The following CLDN14 variants were observed in gnomAD, a reference collection of about 807,000 sequenced individuals.
CLDN14 encodes the protein claudin 14, also known as claudin-14.
In CLDN14, 2 loss-of-function variants were observed where a neutral mutation model predicts 2.1. The observed-to-expected ratio is 0.96, with a 90% CI of 0.39 to 3.01. CLDN14 has a LOEUF of 3.01. Ranked by LOEUF, CLDN14 falls within the 30% of genes most tolerant of loss-of-function variation. The pLI is 0.09. For missense variants in CLDN14, 298 were observed against 328.0 expected, an observed-to-expected ratio of 0.91 and a Z score of 0.71; for synonymous variants, 136 against 154.4, an observed-to-expected ratio of 0.88 and a Z score of 0.88.
chr21:36,508,327 C>G (rs1049440990), intron 2 of CLDN14, among the ~76,000 whole-genome samples: 1 of 152,114 alleles, frequency 6.6e-6, no homozygotes, highest in Non-Finnish European at 1.5e-5. Context: ...ACTTTCCAGG[C>G]AGCTCAAGTT....
At chr21:36,486,479 A>G (rs1454935967) in intron 2 of CLDN14, 1 of 1,550,100 alleles carries the variant, frequency 6.5e-7, no homozygotes, top group Non-Finnish European at 8.9e-7. Flanking sequence ...ACTGGGATCT[A>G]CTCCAAATTC....
intron 2 of CLDN14, among the ~76,000 whole-genome samples, chr21:36,496,666 A>G (rs1189186791): frequency 7.7e-6 from 1 of 129,778 alleles, no homozygotes; most frequent in Non-Finnish European, 1.6e-5. Flanking sequence ...ATGGAGAAGA[A>G]AGCAGAGGAA....
intron 1 of CLDN14, among the ~76,000 whole-genome samples, chr21:36,549,077 C>CA (rs1223602802): frequency 6.6e-6 from 1 of 152,084 alleles, no homozygotes; most frequent in East Asian, 1.9e-4. Context: ...TATTAAGGTA[C>CA]CCAACAACCT....
intron 1 of CLDN14, among the ~76,000 whole-genome samples, chr21:36,573,640 T>A (rs181332762): frequency 6.6e-6 from 1 of 152,148 alleles, no homozygotes; most frequent in East Asian, 1.9e-4. Context: ...ATCTAATTAG[T>A]CTTAAATTAT....
intron 1 of CLDN14, among the ~76,000 whole-genome samples, chr21:36,514,658 T>TA (rs1310805089): frequency 1.0e-4 from 15 of 144,732 alleles, no homozygotes; most frequent in African/African-American, 3.7e-4. Flanking sequence ...TGTGTGTGTG[T>TA]GTGTAGAGAG....
rs533605335 is a variant in CLDN14, at chr21:36,515,541, T to A, written c.-219-5041A>T. Among the ~76,000 whole-genome samples, 399 of 151,376 alleles carry A rather than the reference T, an allele frequency of 2.6e-3. 3 individuals carry two copies. Among genetic ancestry groups the A allele is most frequent in the African/African-American group, 9.5e-3 (391 of 41,306 alleles). On this transcript the variant is annotated intron_variant, in intron 1 of 2. Coordinates refer to the CLDN14 transcript ENST00000342108. ...TACAAAAATGATCTGGGCATGGTGG[T>A]GGGCGCCTGTAATCCCAGCTACTTA... is the stretch of plus-strand genomic sequence containing the variant.
intron 1 of CLDN14, among the ~76,000 whole-genome samples, chr21:36,536,323 G>A (rs2087423514): frequency 6.6e-6 from 1 of 152,198 alleles, no homozygotes; most frequent in African/African-American, 2.4e-5. Context: ...CCCATCCTCA[G>A]TTCTCCCTCG....
chr21:36,508,694 GA>G (rs1258249735), intron 2 of CLDN14, among the ~76,000 whole-genome samples: 1 of 152,218 alleles, frequency 6.6e-6, no homozygotes, highest in East Asian at 1.9e-4. Flanking sequence ...CTCTTGGGAA[GA>G]AACCACCGAG....
chr21:36,530,012 G>C (rs2087366716), intron 1 of CLDN14, among the ~76,000 whole-genome samples: 1 of 152,186 alleles, frequency 6.6e-6, no homozygotes, highest in South Asian at 2.1e-4. Flanking sequence ...AGGACGATTA[G>C]AAAGGAGCGT....
At chr21:36,488,713 G>A (rs2086926510) in intron 2 of CLDN14, among the ~76,000 whole-genome samples, 1 of 152,158 alleles carries the variant, frequency 6.6e-6, no homozygotes, top group Non-Finnish European at 1.5e-5. Flanking sequence ...GGAGGAGAAA[G>A]CTCCGGAGAG....
chr21:36,517,141 G>C (rs11088352), intron 1 of CLDN14, among the ~76,000 whole-genome samples: 27 of 152,186 alleles, frequency 1.8e-4, no homozygotes, highest in African/African-American at 6.3e-4. Context: ...CGCCTGGCCT[G>C]GTCTTTACAT....
chr21:36,484,369 TG>T (rs1179200266), upstream of CLDN14, among the ~76,000 whole-genome samples: 1 of 152,120 alleles, frequency 6.6e-6, no homozygotes, highest in African/African-American at 2.4e-5. Flanking sequence ...CCCCGAAACT[TG>T]GCCAGAGCAT....
At chr21:36,490,949 GACACACACACACAC>G (rs3030068) in intron 2 of CLDN14, among the ~76,000 whole-genome samples, 5,335 of 148,852 alleles carry the variant, frequency 0.036, 323 homozygotes, top group East Asian at 0.29. Context: ...CAAGTGCACA[GACACACACACACAC>G]ACACACACAC....
intron 1 of CLDN14, among the ~76,000 whole-genome samples, chr21:36,537,646 C>A (rs1394593794): frequency 9.1e-6 from 1 of 110,482 alleles, no homozygotes; most frequent in African/African-American, 2.7e-5. Context: ...CTTTGTTTTT[C>A]TTTTCTTTTC....
intron 1 of CLDN14, 102 bp from the exon 2 acceptor site, chr21:36,461,878 G>A (rs1003773586): frequency 2.4e-5 from 18 of 755,788 alleles, no homozygotes; most frequent in Non-Finnish European, 2.9e-5. Flanking sequence ...TTTCATAGGT[G>A]GTTGGTGTGG....
chr21:36,570,231 G>A (rs2087699915), intron 1 of CLDN14, among the ~76,000 whole-genome samples: 2 of 152,226 alleles, frequency 1.3e-5, no homozygotes, highest in South Asian at 4.1e-4. Context: ...AGGGATTGTG[G>A]AGACCAAAGT....
chr21:36,489,979 C>G (rs1601607003), intron 2 of CLDN14, among the ~76,000 whole-genome samples: 1 of 152,180 alleles, frequency 6.6e-6, no homozygotes, highest in East Asian at 1.9e-4. Flanking sequence ...GAATCTCAAA[C>G]ACAATTTTCT....
Position 36,523,612 on chromosome 21 carries a change from G to A in CLDN14, c.-219-13112C>T, listed in dbSNP as rs370675281. 7.9e-4 allele frequency among the ~76,000 whole-genome samples: 120 copies of A among 151,584 alleles called. 1 individual carries two copies. The South Asian group carries it at 0.025, about 31-fold the overall frequency. On this transcript the variant is annotated intron_variant, in intron 1 of 2. Transcript: ENST00000342108. Reference sequence around the variant, plus strand: ...AAATACAAAAAATTAGCCATGCGTGGTGGTGTGCACTTGTAACCCCAGCTA... The same window carrying A: ...AAATACAAAAAATTAGCCATGCGTGATGGTGTGCACTTGTAACCCCAGCTA...
intron 1 of CLDN14, among the ~76,000 whole-genome samples, chr21:36,474,247 T>C (rs2086746549): frequency 6.6e-6 from 1 of 152,256 alleles, no homozygotes; most frequent in South Asian, 2.1e-4. Context: ...CAATCCTGAA[T>C]GTAGGCAGCC....
Sources: allele counts gnomAD v4.1 joint callset (sites outside exome capture counted in the v4.1 genomes callset), GRCh38; gene constraint gnomAD v4.1.1; transcripts MANE v1.5; gene names NCBI Gene and HGNC (gene_info 2026-07-23, HGNC 2026-07-21).